The following KCTD8 variants were observed in gnomAD, a reference collection of about 807,000 sequenced individuals.
The protein encoded by KCTD8 is BTB/POZ domain-containing protein KCTD8.
In KCTD8, 27 loss-of-function variants were observed where a neutral mutation model predicts 31.5. That is an observed-to-expected ratio of 0.86 (90% CI 0.63 to 1.18). The LOEUF (loss-of-function observed/expected upper bound fraction) is 1.18, where lower values mean the gene tolerates loss of function less well. KCTD8 is among the 50% of genes most tolerant of loss of function. The probability of loss-of-function intolerance (pLI) is 0.00; values close to 1 mark genes in which losing one functional copy is unlikely to be tolerated. For synonymous variants in KCTD8, 290 were observed against 280.0 expected, an observed-to-expected ratio of 1.04 and a Z score of -0.36; for missense variants, 658 against 647.7, an observed-to-expected ratio of 1.02 and a Z score of -0.17.
chr4:44,365,708 G>C (rs1435681436), intron 1 of KCTD8, among the ~76,000 whole-genome samples: 2 of 152,152 alleles, frequency 1.3e-5, no homozygotes, highest in Non-Finnish European at 2.9e-5. Flanking sequence ...TTGGAGGGCA[G>C]AGAATTCTGT....
intron 1 of KCTD8, among the ~76,000 whole-genome samples, chr4:44,193,585 C>A (rs996761601): frequency 6.6e-6 from 1 of 151,408 alleles, no homozygotes; most frequent in Non-Finnish European, 1.5e-5. Flanking sequence ...TGAGTATTAT[C>A]ATTTATTTAG....
chr4:44,273,349 C>T (rs1315229649), intron 1 of KCTD8, among the ~76,000 whole-genome samples: 4 of 151,772 alleles, frequency 2.6e-5, no homozygotes, highest in Non-Finnish European at 4.4e-5. Context: ...CATATGTGTA[C>T]GTATGTCATA....
chr4:44,307,790 TAC>T (rs1717844611), intron 1 of KCTD8, among the ~76,000 whole-genome samples: 1 of 151,986 alleles, frequency 6.6e-6, no homozygotes, highest in Non-Finnish European at 1.5e-5. Context: ...GCCAGTGCTG[TAC>T]ACATAACTCT....
At position 44,447,745 on chromosome 4, in the gene KCTD8, C is replaced by T. The variant is rs1721980035; in HGVS notation, c.779G>A (p.Arg260Gln). The change falls in exon 1 of 2, where the codon CGG (arginine) becomes CAG (glutamine). Residue 260 changes from arginine (R) to glutamine (Q), a missense_variant. Transcript: ENST00000360029. ...GCGGGACGTGTACTTCTCCGGCTGCCGGTCGGGGTCGCGGCTCTCGTTGAG... is the reference window on the plus strand; with the variant it reads ...GCGGGACGTGTACTTCTCCGGCTGCTGGTCGGGGTCGCGGCTCTCGTTGAG... ...DTLNESRDPD[R>Q]QPEKYTSRFY... The T allele has an allele frequency of 3.1e-6, 5 of 1,611,886 alleles. No homozygotes were observed. Among genetic ancestry groups the T allele is most frequent in the Middle Eastern group, 1.6e-4 (1 of 6,062 alleles).
At chr4:44,361,898 C>T (rs1422299870) in intron 1 of KCTD8, among the ~76,000 whole-genome samples, 1 of 152,024 alleles carries the variant, frequency 6.6e-6, no homozygotes, top group Non-Finnish European at 1.5e-5. Flanking sequence ...CCAGAGGTAA[C>T]TATTATCCAA....
At chr4:44,182,374 G>A (rs1208291955) in intron 1 of KCTD8, among the ~76,000 whole-genome samples, 2 of 152,236 alleles carry the variant, frequency 1.3e-5, no homozygotes, top group African/African-American at 4.8e-5. Flanking sequence ...AAAAGATAGA[G>A]AAATCAGGTT....
chr4:44,174,567 C>T lies in KCTD8; in HGVS notation c.*223G>A, dbSNP rs890200778. The T allele has an allele frequency of 2.3e-6, 1 of 427,564 alleles. No homozygotes were observed. Among genetic ancestry groups the T allele is most frequent in the African/African-American group, 2.0e-5 (1 of 49,308 alleles). 26.5% of individuals were successfully genotyped at this position (427,564 alleles called of 1,614,324 possible). ...TGTAAAATGGTTTGAATCAGATATTCCATTTTGATTTAACACTTATTGATT... is the reference window on the plus strand; with the variant it reads ...TGTAAAATGGTTTGAATCAGATATTTCATTTTGATTTAACACTTATTGATT... On this transcript the variant is annotated 3_prime_UTR_variant, in exon 2 of 2. Transcript: ENST00000360029.
chr4:44,264,236 T>C lies in KCTD8; in HGVS notation c.962-88986A>G, dbSNP rs574493539. ...AATCTTTAAGTTCAAAATTGAAACT[T>C]TGAATATTAGCTATTCTTTATAGAA... On this transcript the variant is annotated intron_variant, in intron 1 of 1. Coordinates refer to ENST00000360029, the MANE Select transcript of KCTD8 (RefSeq NM_198353.3). Among the ~76,000 whole-genome samples, 10 of 152,350 alleles carry C rather than the reference T, an allele frequency of 6.6e-5. No individual in the cohort carries two copies. In the South Asian group the frequency reaches 1.4e-3, roughly 22 times the overall value.
intron 1 of KCTD8, among the ~76,000 whole-genome samples, chr4:44,314,113 T>C (rs1015836172): frequency 6.6e-6 from 1 of 152,176 alleles, no homozygotes; most frequent in Non-Finnish European, 1.5e-5. Flanking sequence ...GATTGGATAT[T>C]CTCAGTCATG....
At position 44,174,627 on chromosome 4, in the gene KCTD8, A is replaced by T. The variant is rs1439373814; in HGVS notation, c.*163T>A. The T allele has an allele frequency of 4.0e-6, 2 of 501,582 alleles. No individual in the cohort carries two copies. The highest frequency in any genetic ancestry group is 6.3e-5 in the East Asian group (2 of 31,954). 31.1% of individuals were successfully genotyped at this position (501,582 alleles called of 1,614,324 possible). A position where few individuals can be genotyped will look rare whatever the true frequency, so the allele number is the denominator to read the frequency against. On this transcript the variant is annotated 3_prime_UTR_variant, in exon 2 of 2. Coordinates refer to ENST00000360029, the MANE Select transcript of KCTD8 (RefSeq NM_198353.3). ...TTCCTTTTTAATCATGTTTCTAAAA[A>T]GAACAACAACTAAAACATAAAAGAA...
chr4:44,277,810 C>T (rs1395954415), intron 1 of KCTD8, among the ~76,000 whole-genome samples: 2 of 151,828 alleles, frequency 1.3e-5, no homozygotes, highest in African/African-American at 4.8e-5. Context: ...TTGTAATCAT[C>T]CAACCAGTAA....
intron 1 of KCTD8, among the ~76,000 whole-genome samples, chr4:44,404,146 C>T (rs1720730599): frequency 1.3e-5 from 2 of 152,000 alleles, no homozygotes; most frequent in South Asian, 2.1e-4. Context: ...TTACTGACAT[C>T]GAAAAACATG....
At chr4:44,375,715 C>G (rs1233187279) in intron 1 of KCTD8, among the ~76,000 whole-genome samples, 1 of 152,126 alleles carries the variant, frequency 6.6e-6, no homozygotes, top group Non-Finnish European at 1.5e-5. Flanking sequence ...GTGCACAGAA[C>G]CAGGTGGAAA....
At chr4:44,210,558 A>C (rs564586503) in intron 1 of KCTD8, among the ~76,000 whole-genome samples, 78 of 152,328 alleles carry the variant, frequency 5.1e-4, no homozygotes, top group African/African-American at 1.8e-3. Context: ...GCAGTCATAT[A>C]ATCACATAGG....
chr4:44,293,563 G>T, intron 1 of KCTD8: 2 of 384,910 alleles, frequency 5.2e-6, no homozygotes, highest in South Asian at 3.9e-5. Flanking sequence ...ATAAGAAAAG[G>T]TCAGGGAAAA....
intron 1 of KCTD8, among the ~76,000 whole-genome samples, chr4:44,277,616 G>T (rs1716789262): frequency 6.6e-6 from 1 of 151,624 alleles, no homozygotes; most frequent in South Asian, 2.1e-4. Context: ...GTCCATAGGG[G>T]AACTAGACCC....
At chr4:44,176,684 A>T (rs1713226097) in intron 1 of KCTD8, among the ~76,000 whole-genome samples, 1 of 152,182 alleles carries the variant, frequency 6.6e-6, no homozygotes, top group Non-Finnish European at 1.5e-5. Context: ...GAATTATGGA[A>T]ATATTCTATC....
At chr4:44,220,753 A>T (rs895603170) in intron 1 of KCTD8, among the ~76,000 whole-genome samples, 1 of 152,214 alleles carries the variant, frequency 6.6e-6, no homozygotes, top group African/African-American at 2.4e-5. Flanking sequence ...TTACTCTGGT[A>T]TGTGAGGGAA....
chr4:44,281,373 A>G (rs1207330423), intron 1 of KCTD8, among the ~76,000 whole-genome samples: 2 of 152,112 alleles, frequency 1.3e-5, no homozygotes, highest in Non-Finnish European at 1.5e-5. Context: ...ATATTTTCCT[A>G]CACAGATTTA....
Sources: allele counts gnomAD v4.1 joint callset (sites outside exome capture counted in the v4.1 genomes callset), GRCh38; gene constraint gnomAD v4.1.1; transcripts MANE v1.5; gene names NCBI Gene and HGNC (gene_info 2026-07-23, HGNC 2026-07-21).